The following NACC2 variants were observed in gnomAD, a reference collection of about 807,000 sequenced individuals.
The protein encoded by NACC2 is NACC family member 2, also known as nucleus accumbens-associated protein 2.
In NACC2, 8 loss-of-function variants were observed where a neutral mutation model predicts 25.1. The ratio of observed to expected loss-of-function variants is 0.32; its 90% CI spans 0.19 to 0.57. The LOEUF (loss-of-function observed/expected upper bound fraction) is 0.57, where lower values mean the gene tolerates loss of function less well. NACC2 is among the 20% of genes least tolerant of loss of function. NACC2 has a pLI of 0.89. For missense variants in NACC2, 644 were observed against 650.2 expected (o/e 0.99, Z 0.10); for synonymous variants, 435 against 294.7 (o/e 1.48, Z -4.88).
chr9:136,057,763 C>T (rs1005390208), intron 1 of NACC2, among the ~76,000 whole-genome samples: 3 of 152,200 alleles, frequency 2.0e-5, no homozygotes, highest in Non-Finnish European at 4.4e-5. Context: ...CCTCCTCACT[C>T]GCTCACCCCC....
chr9:136,066,704 T>C (rs1184770827), intron 1 of NACC2, among the ~76,000 whole-genome samples: 1 of 152,154 alleles, frequency 6.6e-6, no homozygotes, highest in Non-Finnish European at 1.5e-5. Context: ...GCAGTATCAT[T>C]TGCAATAGCC....
intron 2 of NACC2, among the ~76,000 whole-genome samples, chr9:136,017,843 T>C (rs561428700): frequency 1.3e-5 from 2 of 152,274 alleles, no homozygotes; most frequent in East Asian, 3.9e-4. Flanking sequence ...CTGCACACCC[T>C]ACCGAGCGCA....
intron 1 of NACC2, among the ~76,000 whole-genome samples, chr9:136,058,712 G>GT (rs1232539382): frequency 1.3e-5 from 2 of 152,180 alleles, no homozygotes; most frequent in Non-Finnish European, 2.9e-5. Context: ...ACCTGTACAC[G>GT]TATCTCTGAA....
In NACC2 at chr9:136,011,266, G is replaced by A; in HGVS notation, c.*250C>T. The A allele has an allele frequency of 9.1e-6, 3 of 330,458 alleles. No homozygotes were observed. The highest frequency in any genetic ancestry group is 1.6e-5 in the Non-Finnish European group (3 of 188,668). 20.5% of individuals were successfully genotyped at this position (330,458 alleles called of 1,614,324 possible). A position where few individuals can be genotyped will look rare whatever the true frequency, so the allele number is the denominator to read the frequency against. On this transcript the variant is annotated 3_prime_UTR_variant, in exon 6 of 6. Transcript: ENST00000277554. ...GGGAGGGAAGCTACACTTGGAGGCTGACCTTGTGAATATCAAAAGGGAGCC... is the reference window on the plus strand; with the variant it reads ...GGGAGGGAAGCTACACTTGGAGGCTAACCTTGTGAATATCAAAAGGGAGCC...
At chr9:136,046,522 G>T (rs1191103809) in intron 2 of NACC2, among the ~76,000 whole-genome samples, 1 of 152,212 alleles carries the variant, frequency 6.6e-6, no homozygotes, top group Non-Finnish European at 1.5e-5. Context: ...GATGAGGGCT[G>T]GTGGGTGGGA....
intron 1 of NACC2, among the ~76,000 whole-genome samples, chr9:136,067,589 G>A (rs929456078): frequency 1.3e-4 from 19 of 150,814 alleles, no homozygotes; most frequent in African/African-American, 4.3e-4. Context: ...TGTAATCCCA[G>A]CAATTTGGGA....
intron 1 of NACC2, among the ~76,000 whole-genome samples, chr9:136,090,956 G>A (rs887839034): frequency 4.6e-5 from 7 of 152,132 alleles, no homozygotes; most frequent in African/African-American, 1.7e-4. Flanking sequence ...CCAGGCACAG[G>A]GGCAGGAGCT....
intron 1 of NACC2, among the ~76,000 whole-genome samples, chr9:136,061,064 C>T (rs1015233995): frequency 2.0e-5 from 3 of 152,188 alleles, no homozygotes; most frequent in Admixed American, 6.5e-5. Flanking sequence ...AACGGACGGA[C>T]GCCCCCTCAG....
rs531823486 is a variant in NACC2 at position 136,075,181 on chromosome 9, C to T, written c.-60+20008G>A. ...CAGGTGTGGGTGCAGCAGGCTGCAA[C>T]GCCCCCCACACACAGACTTGGCCTC... On this transcript the variant is annotated intron_variant, in intron 1 of 5. Transcript: ENST00000277554. Among the ~76,000 whole-genome samples the T allele has an allele frequency of 6.4e-4, 98 of 152,362 alleles. 1 individual carries two copies. The South Asian group carries it at 0.017, about 26-fold the overall frequency.
intron 2 of NACC2, among the ~76,000 whole-genome samples, chr9:136,041,089 C>G (rs28802304): frequency 1.5e-4 from 3 of 20,628 alleles, no homozygotes; most frequent in South Asian, 2.5e-3. Flanking sequence ...AGGAAGGAAG[C>G]AAAGGAAAGG....
At chr9:136,062,865 C>T (rs12349461) in intron 1 of NACC2, among the ~76,000 whole-genome samples, 99 of 152,228 alleles carry the variant, frequency 6.5e-4, no homozygotes, top group Middle Eastern at 3.4e-3. Flanking sequence ...CGCAGTGTGC[C>T]GTGATCGTGC....
At chr9:136,074,285 C>G (rs1191725335) in intron 1 of NACC2, among the ~76,000 whole-genome samples, 2 of 149,270 alleles carry the variant, frequency 1.3e-5, no homozygotes, top group East Asian at 4.0e-4. Context: ...CCCGTCTCTA[C>G]TAATAAAATA....
At chr9:136,035,659 T>C (rs1468826341) in intron 2 of NACC2, among the ~76,000 whole-genome samples, 2 of 152,054 alleles carry the variant, frequency 1.3e-5, no homozygotes, top group Non-Finnish European at 2.9e-5. Flanking sequence ...AGATAACACT[T>C]CTTGAATTTT....
intron 1 of NACC2, among the ~76,000 whole-genome samples, chr9:136,085,531 T>C (rs1217761745): frequency 1.3e-5 from 2 of 151,914 alleles, no homozygotes; most frequent in Non-Finnish European, 2.9e-5. Flanking sequence ...TAATTAAATT[T>C]AAAGAGACTC....
At chr9:136,012,189 C>G (rs958789876) in intron 5 of NACC2, among the ~76,000 whole-genome samples, 165 bp from the exon 6 acceptor site, 1 of 152,224 alleles carries the variant, frequency 6.6e-6, no homozygotes, top group African/African-American at 2.4e-5. Context: ...CCAGAGGTCA[C>G]GTTTCTCACT....
intron 1 of NACC2, among the ~76,000 whole-genome samples, chr9:136,062,280 G>A (rs1276352537): frequency 6.6e-6 from 1 of 152,180 alleles, no homozygotes; most frequent in African/African-American, 2.4e-5. Context: ...GGACCACCCA[G>A]CAGTCACTCG....
chr9:136,049,862 A>G lies in NACC2; in HGVS notation c.660T>C (p.Arg220=). ...AAGTAPLKLP[R]VSYYGVPSLA... ...GGCTGGGCACCCCGTAGTAGGAGAC[A>G]CGGGGCAGTTTGAGAGGGGCTGTGC... The change falls in exon 2 of 6, where the codon CGT becomes CGC. Residue 220 remains arginine, a synonymous_variant. Coordinates refer to ENST00000277554, the MANE Select transcript of NACC2 (RefSeq NM_144653.5). 1 of 654,134 alleles carries G rather than the reference A, an allele frequency of 1.5e-6. No individual in the cohort carries two copies. The highest frequency in any genetic ancestry group is 2.8e-6 in the Non-Finnish European group (1 of 352,620). 40.5% of individuals were successfully genotyped at this position (654,134 alleles called of 1,614,324 possible). A position where few individuals can be genotyped will look rare whatever the true frequency, so the allele number is the denominator to read the frequency against.
rs750426295 is a variant in NACC2 at position 136,011,498 on chromosome 9, G to A, written c.*18C>T. ...GCAGCTCTAGTACTCGGTCCCTCGC[G>A]CAGCCACCCAGCTCCGCTTACAAGG... is the stretch of plus-strand genomic sequence containing the variant. On this transcript the variant is annotated 3_prime_UTR_variant, in exon 6 of 6. Coordinates refer to ENST00000277554, the MANE Select transcript of NACC2 (RefSeq NM_144653.5). 2.5e-5 allele frequency: 34 copies of A among 1,357,214 alleles called. No homozygotes were observed. The highest frequency in any genetic ancestry group is 4.5e-5 in the African/African-American group (3 of 66,270). 84.1% of individuals were successfully genotyped at this position (1,357,214 alleles called of 1,614,324 possible).
intron 1 of NACC2, among the ~76,000 whole-genome samples, chr9:136,075,912 C>G (rs1311994292): frequency 6.6e-6 from 1 of 152,196 alleles, no homozygotes; most frequent in Non-Finnish European, 1.5e-5. Flanking sequence ...AGGAGCAGCC[C>G]CGCAGCCCTC....
Sources: gnomAD v4.1 joint callset for allele counts (sites outside exome capture counted in the v4.1 genomes callset) on GRCh38, gnomAD v4.1.1 for gene constraint, MANE v1.5 for transcripts, NCBI Gene and HGNC (gene_info 2026-07-23, HGNC 2026-07-21) for gene names.